The following FHIP1A variants were observed in gnomAD, a reference collection of about 807,000 sequenced individuals.
The protein encoded by FHIP1A is FHF complex subunit HOOK interacting protein 1A.
FHIP1A carries 61 observed loss-of-function variants against 88.6 expected under a neutral mutation model. The ratio of observed to expected loss-of-function variants is 0.69; its 90% confidence interval spans 0.56 to 0.85. The LOEUF is 0.85. Ranked by LOEUF, FHIP1A falls within the 40% of genes least tolerant of loss-of-function variation. FHIP1A has a pLI of 0.00. For synonymous variants in FHIP1A, 478 were observed against 496.0 expected (o/e 0.96, Z 0.48); for missense variants, 1,154 against 1,273.5 (o/e 0.91, Z 1.43).
At chr4:151,517,935 A>G (rs957876949) in intron 3 of FHIP1A, among the ~76,000 whole-genome samples, 2 of 152,256 alleles carry the variant, frequency 1.3e-5, no homozygotes, top group African/African-American at 4.8e-5. Context: ...AAAAAATTAA[A>G]AAGTTTATAC....
chr4:151,498,536 C>T (rs1730541278), intron 3 of FHIP1A, among the ~76,000 whole-genome samples: 1 of 152,148 alleles, frequency 6.6e-6, no homozygotes, highest in African/African-American at 2.4e-5. Context: ...GAAATTTGGG[C>T]CAGGCACAGT....
chr4:151,604,722 G>T (rs1345670665), intron 7 of FHIP1A, among the ~76,000 whole-genome samples: 1 of 151,912 alleles, frequency 6.6e-6, no homozygotes, highest in African/African-American at 2.4e-5. Context: ...GGTGGTGGGC[G>T]CCTGTAGACC....
At chr4:151,526,812 C>T (rs868031769) in intron 3 of FHIP1A, among the ~76,000 whole-genome samples, 1 of 146,998 alleles carries the variant, frequency 6.8e-6, no homozygotes, top group Non-Finnish European at 1.5e-5. Context: ...TCAGACGGGG[C>T]GGTTGCCGGG....
rs187516637 is a variant in FHIP1A, at chr4:151,474,461, A to G, written c.-247-8063A>G. Among the ~76,000 whole-genome samples, 393 of 152,328 alleles carry G rather than the reference A, an allele frequency of 2.6e-3. 6 individuals carry two copies. Among genetic ancestry groups the G allele is most frequent in the Admixed American group, 0.024 (374 of 15,294 alleles). Reference sequence around the variant, plus strand: ...TTAGTGTCAGAAATGGAGATTTGTGAAATTTTGTTTTTCGCTTGACGTTGT... The same window carrying G: ...TTAGTGTCAGAAATGGAGATTTGTGGAATTTTGTTTTTCGCTTGACGTTGT... On this transcript the variant is annotated intron_variant, in intron 2 of 13. Transcript: ENST00000435205.
At chr4:151,467,035 A>T (rs1580600065) in intron 2 of FHIP1A, among the ~76,000 whole-genome samples, 1 of 152,352 alleles carries the variant, frequency 6.6e-6, no homozygotes, top group Admixed American at 6.5e-5. Context: ...CATCAGAGTG[A>T]GCAGGCAACC....
At chr4:151,602,938 A>G (rs1445476533) in intron 7 of FHIP1A, among the ~76,000 whole-genome samples, 1 of 152,228 alleles carries the variant, frequency 6.6e-6, no homozygotes, top group Non-Finnish European at 1.5e-5. Context: ...TACCTAAAAG[A>G]GATGACTGCT....
chr4:151,546,427 C>T (rs763262347), intron 3 of FHIP1A, among the ~76,000 whole-genome samples: 16 of 152,344 alleles, frequency 1.1e-4, no homozygotes, highest in African/African-American at 2.4e-4. Flanking sequence ...TCCATAATTG[C>T]GTGAGCTAAG....
At chr4:151,589,665 G>A (rs1353079841) in intron 7 of FHIP1A, among the ~76,000 whole-genome samples, 1 of 152,134 alleles carries the variant, frequency 6.6e-6, no homozygotes, top group Admixed American at 6.6e-5. Context: ...TTGTTTTGAT[G>A]GAATGCCCAC....
intron 2 of FHIP1A, among the ~76,000 whole-genome samples, chr4:151,470,718 A>G (rs1729477532): frequency 6.6e-6 from 1 of 152,206 alleles, no homozygotes. Flanking sequence ...CTGCCCTGCC[A>G]TCTTACAGTC....
intron 3 of FHIP1A, among the ~76,000 whole-genome samples, chr4:151,548,636 A>G (rs1418908484): frequency 2.0e-5 from 3 of 152,132 alleles, no homozygotes; most frequent in Non-Finnish European, 2.9e-5. Context: ...AACTTACCCT[A>G]TATGGCCAGG....
chr4:151,587,441 G>A (rs1042715004), intron 6 of FHIP1A, among the ~76,000 whole-genome samples: 2 of 151,682 alleles, frequency 1.3e-5, no homozygotes, highest in Non-Finnish European at 2.9e-5. Context: ...AAATATTTTA[G>A]TTCCATATAG....
intron 4 of FHIP1A, among the ~76,000 whole-genome samples, chr4:151,573,655 A>C (rs1169728597): frequency 2.0e-5 from 3 of 151,958 alleles, no homozygotes; most frequent in Non-Finnish European, 4.4e-5. Context: ...CAAGGTTGAG[A>C]GTATAAGACA....
intron 3 of FHIP1A, among the ~76,000 whole-genome samples, chr4:151,511,615 G>A (rs368460551): frequency 1.1e-4 from 17 of 152,308 alleles, no homozygotes; most frequent in Admixed American, 7.2e-4. Flanking sequence ...CTTAAAAAAC[G>A]GCGCACCAGG....
In FHIP1A at chr4:151,586,737, C is replaced by G. The variant is rs542808503; in HGVS notation, c.829C>G (p.Leu277Val). 5 of 1,551,256 alleles carry G rather than the reference C, an allele frequency of 3.2e-6. No homozygotes were observed. In the African/African-American group the frequency reaches 6.8e-5, roughly 21 times the overall value. ...EWHCLLKDDW[L>V]LLPSLVQFMN... ...GCACTGCCTTCTGAAAGATGACTGG[C>G]TTCTACTTCCTTCTCTTGTCCAGTT... Residue 277 changes from leucine to valine, a missense_variant, in exon 6 of 14, where the codon CTT becomes GTT. Leu to Val is a conservative substitution (Grantham distance 32, BLOSUM62 1). Coordinates refer to ENST00000435205, the MANE Select transcript of FHIP1A (RefSeq NM_001109977.3).
intron 3 of FHIP1A, among the ~76,000 whole-genome samples, chr4:151,524,967 C>G (rs1731578396): frequency 6.6e-6 from 1 of 152,226 alleles, no homozygotes; most frequent in Non-Finnish European, 1.5e-5. Flanking sequence ...TCAGCTCCAT[C>G]TCTTTTGATC....
chr4:151,622,631 C>A (rs6825241), intron 7 of FHIP1A, among the ~76,000 whole-genome samples: 69,346 of 151,776 alleles, frequency 0.46, 16,131 homozygotes, highest in African/African-American at 0.54. Flanking sequence ...GTTGCATACT[C>A]GGTGCTCAGT....
At chr4:151,573,902 A>G (rs182064986) in intron 4 of FHIP1A, among the ~76,000 whole-genome samples, 35 of 152,352 alleles carry the variant, frequency 2.3e-4, no homozygotes, top group Admixed American at 8.5e-4. Context: ...TGAAAGAACT[A>G]TGACACTATT....
intron 3 of FHIP1A, among the ~76,000 whole-genome samples, chr4:151,493,760 A>G (rs1730365830): frequency 2.0e-5 from 3 of 152,246 alleles, no homozygotes; most frequent in Admixed American, 2.0e-4. Flanking sequence ...AATGTATTTG[A>G]CAAAATCCAA....
intron 1 of FHIP1A, among the ~76,000 whole-genome samples, chr4:151,414,393 A>G (rs995447942): frequency 6.6e-6 from 1 of 152,338 alleles, no homozygotes; most frequent in Admixed American, 6.5e-5. Context: ...TTACTGGACT[A>G]TAGATTCAAA....
Sources: allele counts gnomAD v4.1 joint callset (sites outside exome capture counted in the v4.1 genomes callset), GRCh38; gene constraint gnomAD v4.1.1; transcripts MANE v1.5; gene names NCBI Gene and HGNC (gene_info 2026-07-23, HGNC 2026-07-21).